Variants in CACNA1D observed in about 807,000 individuals in gnomAD.
CACNA1D encodes the protein voltage-dependent L-type calcium channel subunit alpha-1D.
A neutral mutation model predicts 257.1 loss-of-function variants in CACNA1D; 55 were observed. That is an observed-to-expected ratio of 0.21 (90% CI 0.17 to 0.27). The LOEUF (loss-of-function observed/expected upper bound fraction) is 0.27. Ranked by LOEUF, CACNA1D falls within the 10% of genes least tolerant of loss-of-function variation. CACNA1D has a pLI of 1.00. For synonymous variants in CACNA1D, 980 were observed against 1,014.9 expected (o/e 0.97, Z 0.65); for missense variants, 1,876 against 2,784.0 (o/e 0.67, Z 7.34).
At chr3:53,643,305 GCCGAC>G (rs1406542222) in intron 3 of CACNA1D, among the ~76,000 whole-genome samples, 12 of 152,062 alleles carry the variant, frequency 7.9e-5, no homozygotes, top group South Asian at 2.1e-4. Context: ...GCATCTCTGA[GCCGAC>G]GCCTGCCTGC....
chr3:53,664,098 A>G (rs1439485074), intron 5 of CACNA1D, among the ~76,000 whole-genome samples: 1 of 152,148 alleles, frequency 6.6e-6, no homozygotes, highest in Non-Finnish European at 1.5e-5. Flanking sequence ...CCTGTCTCTC[A>G]AGACCACATT....
intron 31 of CACNA1D, among the ~76,000 whole-genome samples, 173 bp downstream of exon 31, chr3:53,770,190 C>T (rs1474328792): frequency 6.6e-6 from 1 of 152,198 alleles, no homozygotes; most frequent in Non-Finnish European, 1.5e-5. Flanking sequence ...CCAGCGTTCT[C>T]CTCTAACACA....
At chr3:53,726,641 C>T (rs2094937697) in intron 14 of CACNA1D, among the ~76,000 whole-genome samples, 1 of 151,596 alleles carries the variant, frequency 6.6e-6, no homozygotes, top group Non-Finnish European at 1.5e-5. Context: ...ATCTCAAAAA[C>T]AAACAAACAC....
chr3:53,682,881 A>G (rs888213172), intron 8 of CACNA1D, among the ~76,000 whole-genome samples: 10 of 152,164 alleles, frequency 6.6e-5, no homozygotes, highest in African/African-American at 2.2e-4. Context: ...GGAAGCAACT[A>G]TTTTCAGAAA....
At chr3:53,628,441 C>A (rs1037300818) in intron 3 of CACNA1D, among the ~76,000 whole-genome samples, 1 of 152,206 alleles carries the variant, frequency 6.6e-6, no homozygotes, top group Non-Finnish European at 1.5e-5. Flanking sequence ...ACTCCCTAAC[C>A]CAATTCTAAA....
intron 3 of CACNA1D, among the ~76,000 whole-genome samples, chr3:53,541,270 G>A (rs2092290268): frequency 6.6e-6 from 1 of 152,112 alleles, no homozygotes; most frequent in South Asian, 2.1e-4. Context: ...AAATTAGGAG[G>A]TCTAACTGGC....
chr3:53,661,468 A>G (rs1219951444), intron 5 of CACNA1D, among the ~76,000 whole-genome samples: 4 of 152,262 alleles, frequency 2.6e-5, no homozygotes, highest in Non-Finnish European at 4.4e-5. Context: ...TGTGGAATCA[A>G]TTGAGAAAAA....
rs2093580403 is a variant in CACNA1D, at chr3:53,611,326, A to T, written c.484-39453A>T. On this transcript the variant is annotated intron_variant, in intron 3 of 47. Coordinates refer to ENST00000350061, the MANE Select transcript of CACNA1D (RefSeq NM_001128840.3). ...CTTAAGTCCAGGAGTTGGAGGCTGC[A>T]GTTGAGTCATGATTGCACCACTGCA... Among the ~76,000 whole-genome samples the T allele has an allele frequency of 7.2e-5, 11 of 152,184 alleles. No individual in the cohort carries two copies. In the South Asian group the frequency reaches 2.3e-3, roughly 32 times the overall value.
chr3:53,733,930 T>TTGTG (rs397961374), intron 19 of CACNA1D, among the ~76,000 whole-genome samples: 29,423 of 133,752 alleles, frequency 0.22, 3,800 homozygotes, highest in East Asian at 0.55. Context: ...GTGTGTGTGT[T>TTGTG]TGTGTGTGTG....
At chr3:53,721,156 G>C (rs73840932) in intron 11 of CACNA1D, among the ~76,000 whole-genome samples, 2,832 of 152,278 alleles carry the variant, frequency 0.019, 88 homozygotes, top group African/African-American at 0.063. Context: ...TTCCACGCTG[G>C]CCAACATGTT....
At chr3:53,549,596 C>G (rs185878862) in intron 3 of CACNA1D, among the ~76,000 whole-genome samples, 1 of 152,184 alleles carries the variant, frequency 6.6e-6, no homozygotes, top group Non-Finnish European at 1.5e-5. Flanking sequence ...GAGACACAGT[C>G]TTTAGGTGCT....
At chr3:53,559,018 T>A (rs2092693025) in intron 3 of CACNA1D, among the ~76,000 whole-genome samples, 1 of 152,128 alleles carries the variant, frequency 6.6e-6, no homozygotes, top group African/African-American at 2.4e-5. Context: ...ATTTTCTTTT[T>A]AGTATTTTCT....
intron 3 of CACNA1D, among the ~76,000 whole-genome samples, chr3:53,649,389 T>TC: frequency 6.6e-6 from 1 of 152,330 alleles, no homozygotes; most frequent in African/African-American, 2.4e-5. Flanking sequence ...GTGCTTTTTT[T>TC]CCCCCTGGAA....
intron 8 of CACNA1D, among the ~76,000 whole-genome samples, chr3:53,688,358 C>T (rs888669564): frequency 2.6e-5 from 4 of 152,204 alleles, no homozygotes; most frequent in Non-Finnish European, 5.9e-5. Context: ...GGCCCGTGTG[C>T]TTGCTCTGTA....
intron 20 of CACNA1D, among the ~76,000 whole-genome samples, chr3:53,739,199 T>C (rs747544411): frequency 6.6e-6 from 1 of 152,232 alleles, no homozygotes; most frequent in East Asian, 1.9e-4. Flanking sequence ...TGCTCTGCAG[T>C]GCCTGTGACT....
intron 3 of CACNA1D, among the ~76,000 whole-genome samples, chr3:53,602,541 C>T (rs2093456861): frequency 6.6e-6 from 1 of 152,202 alleles, no homozygotes; most frequent in South Asian, 2.1e-4. Context: ...TACAGTTTTC[C>T]ATAGTGCTGT....
rs2108368100 is a variant in CACNA1D at position 53,666,543 on chromosome 3, C to T, written c.1116+8C>T. On this transcript the variant is annotated splice_region_variant and intron_variant, in intron 7 of 47. Coordinates refer to ENST00000350061, the MANE Select transcript of CACNA1D (RefSeq NM_001128840.3). Reference sequence around the variant, plus strand: ...ACAGATGTGCTCTACTGGGTAAGTACCCTGGGGAGAGAGTTTATGGAGTGT... The same window carrying T: ...ACAGATGTGCTCTACTGGGTAAGTATCCTGGGGAGAGAGTTTATGGAGTGT... 1.9e-6 allele frequency: 3 copies of T among 1,606,414 alleles called. No homozygotes were observed. Among genetic ancestry groups the T allele is most frequent in the Non-Finnish European group, 1.7e-6 (2 of 1,173,074 alleles).
intron 3 of CACNA1D, among the ~76,000 whole-genome samples, chr3:53,636,960 T>C (rs992406858): frequency 1.3e-5 from 2 of 152,252 alleles, no homozygotes; most frequent in Non-Finnish European, 2.9e-5. Context: ...CTATCAAAAA[T>C]CTCAGACTTA....
chr3:53,581,430 C>G (rs1232712089), intron 3 of CACNA1D, among the ~76,000 whole-genome samples: 1 of 152,168 alleles, frequency 6.6e-6, no homozygotes, highest in Non-Finnish European at 1.5e-5. Flanking sequence ...TAGGCAGGTA[C>G]ATTCACATCA....
Sources: gnomAD v4.1 joint callset for allele counts (sites outside exome capture counted in the v4.1 genomes callset) on GRCh38, gnomAD v4.1.1 for gene constraint, MANE v1.5 for transcripts, NCBI Gene and HGNC (gene_info 2026-07-23, HGNC 2026-07-21) for gene names.